AGAP1: variants seen among roughly 807,000 people sequenced by gnomAD.
AGAP1 encodes arf-GAP with GTPase, ANK repeat and PH domain-containing protein 1.
Under a neutral mutation model 105.3 loss-of-function variants are expected in AGAP1, and 29 were observed. The observed-to-expected ratio is 0.28, with a 90% CI of 0.21 to 0.38. The LOEUF is 0.38. AGAP1 is among the 10% of genes least tolerant of loss of function. The probability of loss-of-function intolerance (pLI) is 1.00; values close to 1 mark genes in which losing one functional copy is unlikely to be tolerated. For synonymous variants in AGAP1, 509 were observed against 485.9 expected (o/e 1.05, Z -0.63); for missense variants, 998 against 1,165.1 (o/e 0.86, Z 2.09).
rs185268572 is a variant in AGAP1, at chr2:235,717,079, C to T, written c.223-478C>T. ...CCAGGTCTCCCCACACTGCCCTTTTCTGCTCCTGTTGTCCTGCCCCCAAGT... is the reference window on the plus strand; with the variant it reads ...CCAGGTCTCCCCACACTGCCCTTTTTTGCTCCTGTTGTCCTGCCCCCAAGT... On this transcript the variant is annotated intron_variant, in intron 2 of 17. Coordinates refer to ENST00000304032, the MANE Select transcript of AGAP1 (RefSeq NM_001037131.3). Among the ~76,000 whole-genome samples, 3 of 152,244 alleles carry T rather than the reference C, an allele frequency of 2.0e-5. No individual in the cohort carries two copies. In the East Asian group the frequency reaches 5.8e-4, roughly 29 times the overall value.
Position 235,662,465 on chromosome 2 carries a change from A to G in AGAP1, c.164-46714A>G, listed in dbSNP as rs1248461977. Among the ~76,000 whole-genome samples the G allele has an allele frequency of 2.6e-5, 4 of 151,764 alleles. No individual in the cohort carries two copies. In the East Asian group the frequency reaches 7.7e-4, roughly 29 times the overall value. ...TAATGTAGATTGTGTGGCCATCCCA[A>G]TTTAGTTTATCATTCCCCTACTTGG... On this transcript the variant is annotated intron_variant, in intron 1 of 17. Coordinates refer to ENST00000304032, the MANE Select transcript of AGAP1 (RefSeq NM_001037131.3). This position sits in a 1 kb window ranked among gnomAD's most constrained non-coding sequence, Gnocchi z 4.2.
intron 9 of AGAP1, among the ~76,000 whole-genome samples, chr2:235,829,793 C>T (rs979442766): frequency 2.0e-5 from 3 of 152,082 alleles, no homozygotes; most frequent in South Asian, 2.1e-4. Flanking sequence ...CTGTGGAAGG[C>T]GCAGATAGAC....
intron 1 of AGAP1, among the ~76,000 whole-genome samples, chr2:235,707,030 C>T (rs142322250): frequency 6.6e-5 from 10 of 152,360 alleles, no homozygotes; most frequent in South Asian, 2.1e-4. Flanking sequence ...CATCTGTCCA[C>T]GGGTAATGTT....
rs1406521908 is a variant in AGAP1 at position 235,599,848 on chromosome 2, CT to C, written c.163+105000del. ...GATGTGATGGCACGGTCAGTCGCCCCTGGTGGAGGCAATGCTGGTACCCACG... is the reference window on the plus strand; with the variant it reads ...GATGTGATGGCACGGTCAGTCGCCCCGGTGGAGGCAATGCTGGTACCCACG... On this transcript the variant is annotated intron_variant, in intron 1 of 17. Coordinates refer to ENST00000304032, the MANE Select transcript of AGAP1 (RefSeq NM_001037131.3). The surrounding 1 kb of genome is among the most constrained non-coding windows in gnomAD (Gnocchi z 5.3). 6.6e-6 allele frequency among the ~76,000 whole-genome samples: 1 copy of C among 152,176 alleles called. No individual in the cohort carries two copies. The highest frequency in any genetic ancestry group is 1.5e-5 in the Non-Finnish European group (1 of 68,032).
rs191184620 is a variant in AGAP1 at position 236,126,758 on chromosome 2, G to A, written c.*2636G>A. On this transcript the variant is annotated 3_prime_UTR_variant, in exon 18 of 18. Coordinates refer to ENST00000304032, the MANE Select transcript of AGAP1 (RefSeq NM_001037131.3). ...AGCAGAAGGAAAGGCAGTTTTTGAG[G>A]GTCTTTCGAAAAAAAGAAGACGGGG... 1 of 151,936 alleles carries A rather than the reference G, an allele frequency of 6.6e-6. No homozygotes were observed. The highest frequency in any genetic ancestry group is 1.9e-4 in the East Asian group (1 of 5,164). The allele number at this position is 151,936 out of a possible 1,614,324, so 9.4% of individuals were successfully genotyped here. A position where few individuals can be genotyped will look rare whatever the true frequency, so the allele number is the denominator to read the frequency against.
At chr2:235,821,454 G>A (rs932686105) in intron 9 of AGAP1, among the ~76,000 whole-genome samples, 6 of 150,786 alleles carry the variant, frequency 4.0e-5, no homozygotes, top group Admixed American at 1.3e-4. Context: ...TGCGATCTTG[G>A]CTCACTGCAA....
chr2:235,677,017 C>A (rs1948777282), intron 1 of AGAP1, among the ~76,000 whole-genome samples: 1 of 152,188 alleles, frequency 6.6e-6, no homozygotes. Flanking sequence ...TTATTCAGCC[C>A]AAATTAGAAT....
chr2:236,079,012 G>A (rs1020952120), intron 16 of AGAP1, among the ~76,000 whole-genome samples: 35 of 152,078 alleles, frequency 2.3e-4, no homozygotes, highest in Admixed American at 1.2e-3. Context: ...ACCTGATGCC[G>A]GGGCTGGGGT....
chr2:236,089,727 C>A lies in AGAP1; in HGVS notation c.2115-30465C>A, dbSNP rs1014805346. 1.3e-5 allele frequency among the ~76,000 whole-genome samples: 2 copies of A among 152,136 alleles called. No individual in the cohort carries two copies. The highest frequency in any genetic ancestry group is 4.8e-5 in the African/African-American group (2 of 41,424). ...TCAGACATCCAAATGGGGGATTGAA[C>A]TGTGAGAGTGCAGGCAATAAAGAGT... On this transcript the variant is annotated intron_variant, in intron 16 of 17. Transcript: ENST00000304032. The surrounding 1 kb of genome is among the most constrained non-coding windows in gnomAD (Gnocchi z 5.6).
intron 10 of AGAP1, among the ~76,000 whole-genome samples, chr2:235,903,068 C>G (rs781175666): frequency 1.3e-5 from 2 of 152,038 alleles, no homozygotes; most frequent in Non-Finnish European, 2.9e-5. Context: ...AAGGCAAGTA[C>G]TGTATCTGAA....
intron 13 of AGAP1, among the ~76,000 whole-genome samples, chr2:236,033,243 C>T (rs1277906968): frequency 6.6e-6 from 1 of 152,070 alleles, no homozygotes; most frequent in Non-Finnish European, 1.5e-5. Context: ...GAAACTCTGT[C>T]TCAAAAAATA....
chr2:235,814,994 TG>T (rs1329034318), intron 9 of AGAP1, among the ~76,000 whole-genome samples: 2 of 152,246 alleles, frequency 1.3e-5, no homozygotes, highest in East Asian at 3.9e-4. Flanking sequence ...TTTGAGATGA[TG>T]GGGGTTCTGA....
intron 16 of AGAP1, among the ~76,000 whole-genome samples, chr2:236,111,825 T>A (rs2059653473): frequency 6.7e-6 from 1 of 149,978 alleles, no homozygotes; most frequent in Admixed American, 6.6e-5. Context: ...TCCATCCCGG[T>A]ATCAGGCAAT....
chr2:236,070,680 A>T (rs1255605306), intron 16 of AGAP1, among the ~76,000 whole-genome samples: 1 of 152,248 alleles, frequency 6.6e-6, no homozygotes, highest in African/African-American at 2.4e-5. Flanking sequence ...GAAGCCAGTC[A>T]CAAAAGACTT....
At chr2:235,797,133 GA>G (rs918339164) in intron 6 of AGAP1, among the ~76,000 whole-genome samples, 16 of 150,980 alleles carry the variant, frequency 1.1e-4, no homozygotes, top group East Asian at 3.9e-4. Flanking sequence ...GGCTTTGGGG[GA>G]AAAAAAAAGA....
chr2:235,580,807 T>C (rs1189529072), intron 1 of AGAP1, among the ~76,000 whole-genome samples: 1 of 152,168 alleles, frequency 6.6e-6, no homozygotes, highest in Non-Finnish European at 1.5e-5. Flanking sequence ...GAAAAAAATC[T>C]AGAGAGGATG....
chr2:235,986,583 A>G (rs1304307303), intron 13 of AGAP1, among the ~76,000 whole-genome samples: 2 of 152,210 alleles, frequency 1.3e-5, no homozygotes, highest in African/African-American at 4.8e-5. Context: ...GCTTTTGCAC[A>G]TTAAATATGA....
intron 1 of AGAP1, among the ~76,000 whole-genome samples, chr2:235,702,934 G>GTTTTTTGTTTTTTTTTTTTTTT (rs1950326496): frequency 1.1e-5 from 1 of 88,946 alleles, no homozygotes; most frequent in Non-Finnish European, 2.2e-5. Flanking sequence ...AGTTTTCTTG[G>GTTTTTTGTTTTTTTTTTTTTTT]TTTTTTTTTT....
In AGAP1 at chr2:235,856,013, A is replaced by G. The variant is rs186994853; in HGVS notation, c.1051-27332A>G. Among the ~76,000 whole-genome samples, 9 of 152,210 alleles carry G rather than the reference A, an allele frequency of 5.9e-5. No individual in the cohort carries two copies. The East Asian group carries it at 1.3e-3, about 23-fold the overall frequency. ...ACTGCAACTTCTGCCTCCTGGGTTC[A>G]AGTGATTCTCCTACCTCGGCCTCTC... On this transcript the variant is annotated intron_variant, in intron 9 of 17. Transcript: ENST00000304032.
Sources: allele counts gnomAD v4.1 joint callset (sites outside exome capture counted in the v4.1 genomes callset), GRCh38; gene constraint gnomAD v4.1.1; non-coding constraint Gnocchi (gnomAD v3.1); transcripts MANE v1.5; gene names NCBI Gene and HGNC (gene_info 2026-07-23, HGNC 2026-07-21).